KCNAB1: variants seen among roughly 807,000 people sequenced by gnomAD.
KCNAB1 encodes the protein voltage-gated potassium channel subunit beta-1.
In KCNAB1, 35 loss-of-function variants were observed where a neutral mutation model predicts 64.6. The ratio of observed to expected loss-of-function variants is 0.54; its 90% CI spans 0.41 to 0.72. The LOEUF is 0.72. KCNAB1 is among the 30% of genes least tolerant of loss of function. The pLI is 0.00. For missense variants in KCNAB1, 401 were observed against 512.9 expected, an observed-to-expected ratio of 0.78 and a Z score of 2.11; for synonymous variants, 177 against 183.8, an observed-to-expected ratio of 0.96 and a Z score of 0.30.
chr3:156,262,441 G>C (rs1014269740), intron 1 of KCNAB1, among the ~76,000 whole-genome samples: 18 of 151,762 alleles, frequency 1.2e-4, no homozygotes, highest in African/African-American at 4.1e-4. Flanking sequence ...TTCATCTATT[G>C]AGCTGATTAT....
intron 1 of KCNAB1, among the ~76,000 whole-genome samples, chr3:156,320,171 TGATAA>T (rs1722561915): frequency 6.6e-6 from 1 of 152,236 alleles, no homozygotes; most frequent in South Asian, 2.1e-4. Flanking sequence ...CTAGCTGCAC[TGATAA>T]GAAAAATTTT....
intron 1 of KCNAB1, among the ~76,000 whole-genome samples, chr3:156,259,838 C>T (rs577036707): frequency 3.3e-5 from 5 of 152,302 alleles, no homozygotes; most frequent in Admixed American, 2.6e-4. Flanking sequence ...ACTGCTTTGT[C>T]GCCCCATCCC....
At chr3:156,166,093 A>G (rs1437011400) in intron 1 of KCNAB1, among the ~76,000 whole-genome samples, 3 of 152,208 alleles carry the variant, frequency 2.0e-5, no homozygotes. Flanking sequence ...ATATTACAAG[A>G]GAAAGAGAGA....
At chr3:156,148,507 G>A (rs538739307) in intron 1 of KCNAB1, among the ~76,000 whole-genome samples, 51 of 152,312 alleles carry the variant, frequency 3.3e-4, no homozygotes, top group African/African-American at 1.1e-3. Flanking sequence ...CTTTTCTCCT[G>A]TATCTTAGAT....
In KCNAB1 at chr3:156,537,281, G is replaced by GGAA. The variant is rs1719124378; in HGVS notation, c.*538_*540dup. On this transcript the variant is annotated 3_prime_UTR_variant, in exon 14 of 14. Coordinates refer to ENST00000490337, the MANE Select transcript of KCNAB1 (RefSeq NM_172160.3). ...GTATCTTCACTCAAAAGTCTTGCTTGGAAGAATAAGCAGAAATAATTTTAT... is the reference window on the plus strand; with the variant it reads ...GTATCTTCACTCAAAAGTCTTGCTTGGAAGAAGAATAAGCAGAAATAATTTTAT... 1 of 382,208 alleles carries GGAA rather than the reference G, an allele frequency of 2.6e-6. No individual in the cohort carries two copies. The highest frequency in any genetic ancestry group is 4.6e-6 in the Non-Finnish European group (1 of 218,172). The allele number at this position is 382,208 out of a possible 1,614,324, so 23.7% of individuals were successfully genotyped here. A position where few individuals can be genotyped will look rare whatever the true frequency, so the allele number is the denominator to read the frequency against.
At chr3:156,289,084 A>G (rs1181924724) in intron 1 of KCNAB1, among the ~76,000 whole-genome samples, 1 of 152,208 alleles carries the variant, frequency 6.6e-6, no homozygotes. Context: ...GTTTCATTCT[A>G]ATAACCTACT....
intron 13 of KCNAB1, among the ~76,000 whole-genome samples, chr3:156,536,058 A>G (rs777054012): frequency 2.2e-4 from 34 of 152,202 alleles, no homozygotes; most frequent in Non-Finnish European, 4.6e-4. Flanking sequence ...TCTACCTGGG[A>G]TGCCTGTTAA....
chr3:156,383,935 G>A (rs1168777425), intron 1 of KCNAB1, among the ~76,000 whole-genome samples: 1 of 152,110 alleles, frequency 6.6e-6, no homozygotes, highest in Admixed American at 6.5e-5. Flanking sequence ...GTCACCATCA[G>A]GCCTGCTTTG....
At chr3:156,434,860 C>A (rs1332102882) in intron 2 of KCNAB1, among the ~76,000 whole-genome samples, 2 of 152,120 alleles carry the variant, frequency 1.3e-5, no homozygotes, top group Non-Finnish European at 1.5e-5. Context: ...AGAAAGGACA[C>A]CCTTCCACAG....
At chr3:156,515,337 G>C in intron 10 of KCNAB1, 117 bp downstream of exon 10, 1 of 896,810 alleles carries the variant, frequency 1.1e-6, no homozygotes, top group Non-Finnish European at 1.6e-6. Context: ...AATTAACATA[G>C]ACATTGTAAG....
chr3:156,322,973 G>C (rs926736334), intron 1 of KCNAB1, among the ~76,000 whole-genome samples: 1 of 152,166 alleles, frequency 6.6e-6, no homozygotes, highest in Non-Finnish European at 1.5e-5. Flanking sequence ...AGAAGATGAT[G>C]CTACCGATGT....
intron 1 of KCNAB1, among the ~76,000 whole-genome samples, chr3:156,342,609 A>ATTTTTTTTTTTTTTT (rs59689669): frequency 1.5e-4 from 16 of 104,676 alleles, no homozygotes; most frequent in East Asian, 2.9e-4. Flanking sequence ...TTTTTTTTTA[A>ATTTTTTTTTTTTTTT]TTTTTTTTTT....
In KCNAB1 at chr3:156,375,670, T is replaced by C. The variant is rs1334438557; in HGVS notation, c.276-45946T>C. 2.2e-5 allele frequency among the ~76,000 whole-genome samples: 3 copies of C among 135,392 alleles called. 1 individual carries two copies. The highest frequency in any genetic ancestry group is 9.9e-5 in the African/African-American group (3 of 30,190). 88.8% of individuals were successfully genotyped at this position (135,392 alleles called of 152,430 possible). A position where few individuals can be genotyped will look rare whatever the true frequency, so the allele number is the denominator to read the frequency against. The stretch of plus-strand genomic sequence containing the variant: ...AAGGAAGGAATACTTGAATTGATAT[T>C]AGGAAGAAAAGTAGGCAGCAAAGTG... On this transcript the variant is annotated intron_variant, in intron 1 of 13. Transcript: ENST00000490337.
intron 2 of KCNAB1, among the ~76,000 whole-genome samples, chr3:156,444,722 G>T (rs947640934): frequency 1.3e-5 from 2 of 152,140 alleles, no homozygotes; most frequent in Admixed American, 6.5e-5. Flanking sequence ...TTCCCCTCAG[G>T]CCAGATTTCT....
chr3:156,370,207 C>T (rs1159150300), intron 1 of KCNAB1, among the ~76,000 whole-genome samples: 3 of 152,190 alleles, frequency 2.0e-5, no homozygotes, highest in Admixed American at 6.5e-5. Context: ...TGCAAACATG[C>T]TCCTCTGATG....
intron 1 of KCNAB1, among the ~76,000 whole-genome samples, chr3:156,391,262 A>G (rs2108169262): frequency 6.6e-6 from 1 of 152,322 alleles, no homozygotes; most frequent in South Asian, 2.1e-4. Flanking sequence ...TAACCCTCTG[A>G]ACCTGTTTCC....
At chr3:156,453,166 G>C in intron 3 of KCNAB1, 1 of 366,532 alleles carries the variant, frequency 2.7e-6, no homozygotes, top group Non-Finnish European at 4.9e-6. Flanking sequence ...AGGTTGAACA[G>C]TCAGAGAATG....
In KCNAB1 at chr3:156,474,837, A is replaced by G; in HGVS notation, c.658+17A>G. 1 of 1,576,140 alleles carries G rather than the reference A, an allele frequency of 6.3e-7. No homozygotes were observed. The highest frequency in any genetic ancestry group is 8.7e-7 in the Non-Finnish European group (1 of 1,145,876). On this transcript the variant is annotated intron_variant, in intron 8 of 13. Transcript: ENST00000490337. ...CCATGGAAGGTAAGTTAAGAAAGCTAATAAAATACTCTAGAAATCTTGATT... is the reference window on the plus strand; with the variant it reads ...CCATGGAAGGTAAGTTAAGAAAGCTGATAAAATACTCTAGAAATCTTGATT...
At chr3:156,269,148 T>C (rs1387300562) in intron 1 of KCNAB1, among the ~76,000 whole-genome samples, 1 of 152,216 alleles carries the variant, frequency 6.6e-6, no homozygotes, top group African/African-American at 2.4e-5. Context: ...ACTGGTGCCT[T>C]TGTCAAAAAT....
Sources: gnomAD v4.1 joint callset for allele counts (sites outside exome capture counted in the v4.1 genomes callset) on GRCh38, gnomAD v4.1.1 for gene constraint, MANE v1.5 for transcripts, NCBI Gene and HGNC (gene_info 2026-07-23, HGNC 2026-07-21) for gene names.